CHST10: variants seen among roughly 807,000 people sequenced by gnomAD.
CHST10 encodes HNK-1 sulfotransferase.
A neutral mutation model predicts 34.7 loss-of-function variants in CHST10; 24 were observed. The observed-to-expected ratio is 0.69, with a 90% CI of 0.50 to 0.97. The LOEUF (loss-of-function observed/expected upper bound fraction) is 0.97, where lower values mean the gene tolerates loss of function less well. Ranked by LOEUF, CHST10 falls within the 50% of genes least tolerant of loss-of-function variation. The probability of loss-of-function intolerance (pLI) is 0.00; values close to 1 mark genes in which losing one functional copy is unlikely to be tolerated. For missense variants in CHST10, 402 were observed against 452.1 expected (o/e 0.89, Z 1.00); for synonymous variants, 161 against 169.3 (o/e 0.95, Z 0.38).
At chr2:100,416,987 A>C in intron 1 of CHST10, 1 of 1,304,170 alleles carries the variant, frequency 7.7e-7, no homozygotes, top group Non-Finnish European at 1.0e-6. Context: ...CTCCCCTCGC[A>C]CCGAAGCTGC....
At position 100,417,637 on chromosome 2, in the gene CHST10, C is replaced by G. The variant is rs1573209134; in HGVS notation, c.-367G>C. 2.6e-5 allele frequency: 4 copies of G among 150,954 alleles called. No homozygotes were observed. Among genetic ancestry groups the G allele is most frequent in the African/African-American group, 7.2e-5 (3 of 41,404 alleles). The allele number at this position is 150,954 out of a possible 1,614,324, so 9.4% of individuals were successfully genotyped here. A position where few individuals can be genotyped will look rare whatever the true frequency, so the allele number is the denominator to read the frequency against. On this transcript the variant is annotated 5_prime_UTR_variant, in exon 1 of 7. Coordinates refer to ENST00000264249, the MANE Select transcript of CHST10 (RefSeq NM_004854.5). The stretch of plus-strand genomic sequence containing the variant: ...AACGCCGGCACCGCCTCACGCGGCC[C>G]CCTCGCGCCTATCCGGCCGTGCGCG...
Position 100,398,157 on chromosome 2 carries a change from G to C in CHST10, c.193-15C>G, listed in dbSNP as rs1483662366. 6.3e-7 allele frequency: 1 copy of C among 1,592,918 alleles called. No individual in the cohort carries two copies. Among genetic ancestry groups the C allele is most frequent in the Non-Finnish European group, 8.6e-7 (1 of 1,166,990 alleles). On this transcript the variant is annotated splice_polypyrimidine_tract_variant and intron_variant, in intron 4 of 6. Transcript: ENST00000264249. ...TTCCCAGTTGGCTGCAGGTGACACAGAGCAGAAGAGGCCCAGGGACCATTA... is the reference window on the plus strand; with the variant it reads ...TTCCCAGTTGGCTGCAGGTGACACACAGCAGAAGAGGCCCAGGGACCATTA...
chr2:100,415,028 C>T lies in CHST10; in HGVS notation c.-33+13G>A. ...CTCAAATAACTGATGAGCTCACATT[C>T]TCCTTCACGTACCTTCTGCAGCCTG... On this transcript the variant is annotated intron_variant, in intron 2 of 6. Transcript: ENST00000264249. 1 of 1,301,236 alleles carries T rather than the reference C, an allele frequency of 7.7e-7. No homozygotes were observed. The highest frequency in any genetic ancestry group is 1.0e-6 in the Non-Finnish European group (1 of 987,442). The allele number at this position is 1,301,236 out of a possible 1,614,324, so 80.6% of individuals were successfully genotyped here.
chr2:100,397,190 AG>A (rs1452424400), intron 5 of CHST10, among the ~76,000 whole-genome samples: 1 of 152,246 alleles, frequency 6.6e-6, no homozygotes, highest in Non-Finnish European at 1.5e-5. Flanking sequence ...AAATTTCATA[AG>A]CAGAGCCCAT....
At chr2:100,399,405 A>G (rs1358373523) in intron 4 of CHST10, among the ~76,000 whole-genome samples, 4 of 152,182 alleles carry the variant, frequency 2.6e-5, no homozygotes, top group South Asian at 2.1e-4. Context: ...ACGCCCGGCC[A>G]TATCTATCTC....
chr2:100,414,399 C>G (rs1675978135), intron 2 of CHST10, among the ~76,000 whole-genome samples: 1 of 151,980 alleles, frequency 6.6e-6, no homozygotes, highest in Admixed American at 6.6e-5. Flanking sequence ...TGGTAATGTA[C>G]AAGGAACTGG....
chr2:100,399,219 T>A (rs747192100), intron 4 of CHST10, among the ~76,000 whole-genome samples: 19 of 151,782 alleles, frequency 1.3e-4, no homozygotes, highest in Non-Finnish European at 2.6e-4. Flanking sequence ...TTCTCCTGCC[T>A]CAGCCTCTCG....
At chr2:100,414,818 A>G (rs1402233452) in intron 2 of CHST10, among the ~76,000 whole-genome samples, 2 of 152,226 alleles carry the variant, frequency 1.3e-5, no homozygotes, top group Non-Finnish European at 1.5e-5. Flanking sequence ...AAACACCTGT[A>G]TGGGGTTCAC....
chr2:100,397,441 G>GAGGCTCC (rs1675111777), intron 5 of CHST10, among the ~76,000 whole-genome samples: 2 of 152,332 alleles, frequency 1.3e-5, no homozygotes, highest in African/African-American at 4.8e-5. Flanking sequence ...TGCAGGTAAA[G>GAGGCTCC]AGGCTCCAGG....
chr2:100,413,581 C>G (rs778419514), intron 2 of CHST10, among the ~76,000 whole-genome samples: 8 of 152,198 alleles, frequency 5.3e-5, no homozygotes, highest in Non-Finnish European at 1.2e-4. Context: ...ATAAATAGCA[C>G]ACATTGTACA....
intron 5 of CHST10, among the ~76,000 whole-genome samples, chr2:100,396,975 T>C (rs1233396922): frequency 6.6e-6 from 1 of 152,302 alleles, no homozygotes; most frequent in East Asian, 1.9e-4. Context: ...GACAACCAGA[T>C]GATGAGGTGC....
At chr2:100,395,722 G>T in intron 5 of CHST10, 108 bp from the exon 6 acceptor site, 1 of 740,134 alleles carries the variant, frequency 1.4e-6, no homozygotes. Context: ...CCCCACGTGT[G>T]CATGACAAGC....
At position 100,397,952 on chromosome 2, in the gene CHST10, T is replaced by G. The variant is rs1197626514; in HGVS notation, c.383A>C (p.Lys128Thr). The change falls in exon 5 of 7, where the codon AAA becomes ACA. Residue 128 changes from lysine (K) to threonine (T), a missense_variant. Transcript: ENST00000264249. ...KHKILFCQTP[K>T]VGNTQWKKVL... ...TTTCTTCCACTGGGTGTTGCCCACT[T>G]TGGGAGTCTGGCAGAAAAGAATCTT... is the stretch of plus-strand genomic sequence containing the variant. 1 of 1,614,012 alleles carries G rather than the reference T, an allele frequency of 6.2e-7. No homozygotes were observed. The highest frequency in any genetic ancestry group is 1.7e-5 in the Admixed American group (1 of 60,020).
intron 2 of CHST10, among the ~76,000 whole-genome samples, chr2:100,407,350 G>C (rs1675623592): frequency 1.3e-5 from 2 of 152,196 alleles, no homozygotes; most frequent in Admixed American, 6.5e-5. Context: ...CCTCAGCCTG[G>C]CACAGAAGCC....
chr2:100,406,299 C>A (rs563511500), intron 3 of CHST10, among the ~76,000 whole-genome samples: 122 of 152,320 alleles, frequency 8.0e-4, no homozygotes, highest in African/African-American at 2.6e-3. Context: ...TGGGAGGAGA[C>A]CCTGCTCCTT....
chr2:100,401,384 T>C (rs1406578055), intron 4 of CHST10, among the ~76,000 whole-genome samples: 1 of 152,154 alleles, frequency 6.6e-6, no homozygotes, highest in Non-Finnish European at 1.5e-5. Flanking sequence ...AGTCTTTTTA[T>C]TTGCAATGAC....
At chr2:100,411,597 G>C (rs1558646300) in intron 2 of CHST10, among the ~76,000 whole-genome samples, 1 of 152,088 alleles carries the variant, frequency 6.6e-6, no homozygotes. Flanking sequence ...ACAAGTTTAA[G>C]GACAAAATAA....
chr2:100,417,122 G>C, intron 1 of CHST10: 1 of 1,188,426 alleles, frequency 8.4e-7, no homozygotes. Context: ...GTAAATTGTA[G>C]GCTCGCACAA....
chr2:100,411,967 G>A (rs1206130846), intron 2 of CHST10, among the ~76,000 whole-genome samples: 4 of 152,254 alleles, frequency 2.6e-5, no homozygotes, highest in Non-Finnish European at 4.4e-5. Context: ...CTGGGGCACA[G>A]GCTGAGGCAG....
Sources: allele counts gnomAD v4.1 joint callset (sites outside exome capture counted in the v4.1 genomes callset), GRCh38; gene constraint gnomAD v4.1.1; transcripts MANE v1.5; gene names NCBI Gene and HGNC (gene_info 2026-07-23, HGNC 2026-07-21).